Variants in SPMAP2 observed in about 807,000 individuals in gnomAD.
SPMAP2 encodes the protein Theg homolog.
the SPMAP2 span, chr19:373,517 C>T: frequency 1.7e-5 from 27 of 1,613,250 alleles, no homozygotes; most frequent in Admixed American, 3.3e-5. Flanking sequence ...CCGCTCGGTC[C>T]AGTACACAGA....
At chr19:364,083 C>T in the SPMAP2 span, among the ~76,000 whole-genome samples, 1 of 151,628 alleles carries the variant, frequency 6.6e-6, no homozygotes, top group African/African-American at 2.4e-5. Context: ...CCTGTAATCC[C>T]AGCACTCTGG....
the SPMAP2 span, chr19:362,382 G>A: frequency 2.0e-5 from 32 of 1,608,650 alleles, no homozygotes; most frequent in Middle Eastern, 1.6e-4. Flanking sequence ...ACCTCCCAGC[G>A]AGGATCTCGG....
At chr19:375,106 G>A in the SPMAP2 span, among the ~76,000 whole-genome samples, 105 of 152,246 alleles carry the variant, frequency 6.9e-4, 1 homozygote, top group Non-Finnish European at 3.5e-4. Context: ...CAGGGAGGAC[G>A]GGAGCCGAGT....
chr19:369,909 G>C, the SPMAP2 span, among the ~76,000 whole-genome samples: 1 of 152,176 alleles, frequency 6.6e-6, no homozygotes, highest in African/African-American at 2.4e-5. Context: ...TTCTTTTGTG[G>C]ATCTTCAGTT....
chr19:375,885 G>A, the SPMAP2 span: 3 of 1,562,586 alleles, frequency 1.9e-6, no homozygotes, highest in South Asian at 3.6e-5. Context: ...GAGGCCACGG[G>A]GGTCGCCGTC....
the SPMAP2 span, chr19:371,184 CG>C: frequency 3.6e-6 from 5 of 1,379,024 alleles, no homozygotes; most frequent in Admixed American, 2.6e-5. Flanking sequence ...GGGTGAGTCG[CG>C]GGGGGCACGG....
the SPMAP2 span, chr19:374,281 G>A: frequency 6.2e-7 from 1 of 1,613,388 alleles, no homozygotes; most frequent in Non-Finnish European, 8.5e-7. Flanking sequence ...ACGAGGCCGT[G>A]GTCTGGCGTG....
the SPMAP2 span, among the ~76,000 whole-genome samples, chr19:371,650 C>T: frequency 6.6e-6 from 1 of 152,178 alleles, no homozygotes; most frequent in Non-Finnish European, 1.5e-5. Flanking sequence ...TCTGGGACGG[C>T]AGCTCCTCCC....
chr19:369,613 G>A, the SPMAP2 span, among the ~76,000 whole-genome samples: 4 of 152,132 alleles, frequency 2.6e-5, no homozygotes, highest in Non-Finnish European at 4.4e-5. Flanking sequence ...AGGCACATCC[G>A]TGTGAAGAAG....
At chr19:374,586 C>G in the SPMAP2 span, 2 of 974,420 alleles carry the variant, frequency 2.1e-6, no homozygotes, top group South Asian at 1.7e-5. Flanking sequence ...TTTGGCACCA[C>G]GAAGGCCTGG....
At chr19:364,336 C>CAAA in the SPMAP2 span, among the ~76,000 whole-genome samples, 11 of 74,078 alleles carry the variant, frequency 1.5e-4, no homozygotes, top group South Asian at 4.9e-4. Flanking sequence ...AGCTCTGTCT[C>CAAA]AAAAAAAAAA....
the SPMAP2 span, among the ~76,000 whole-genome samples, chr19:364,131 A>G: frequency 2.1e-4 from 32 of 150,796 alleles, no homozygotes; most frequent in Non-Finnish European, 2.8e-4. Context: ...CAGGAGATCG[A>G]GACCATCCTG....
the SPMAP2 span, among the ~76,000 whole-genome samples, chr19:368,725 C>T: frequency 6.6e-6 from 1 of 152,204 alleles, no homozygotes; most frequent in African/African-American, 2.4e-5. The surrounding 1 kb of genome is among the most constrained non-coding windows in gnomAD (Gnocchi z 4.1). Flanking sequence ...ATAAAAATCA[C>T]AGACACATCT....
the SPMAP2 span, among the ~76,000 whole-genome samples, chr19:366,532 G>A: frequency 6.6e-6 from 1 of 152,108 alleles, no homozygotes. Context: ...CAAAGAAAAG[G>A]CCCCATAAGC....
chr19:373,051 G>T, the SPMAP2 span, among the ~76,000 whole-genome samples: 70 of 152,252 alleles, frequency 4.6e-4, no homozygotes, highest in East Asian at 0.012. Flanking sequence ...ACAAGCCTGG[G>T]GTTTCCAGGG....
chr19:363,039 G>T, the SPMAP2 span, among the ~76,000 whole-genome samples: 2 of 152,160 alleles, frequency 1.3e-5, no homozygotes, highest in East Asian at 3.9e-4. Flanking sequence ...ACGTGTAGGT[G>T]CCAGGGGCTG....
chr19:375,635 C>T, the SPMAP2 span: 2 of 1,526,260 alleles, frequency 1.3e-6, no homozygotes, highest in African/African-American at 2.8e-5. Context: ...CCCACCGCAC[C>T]CAGGCAGGCC....
At chr19:366,956 T>A in the SPMAP2 span, 1 of 1,256,736 alleles carries the variant, frequency 8.0e-7, no homozygotes, top group Non-Finnish European at 1.1e-6. Context: ...TTTCTGCTTC[T>A]CTTTCATGGG....
chr19:364,512 C>T, the SPMAP2 span, among the ~76,000 whole-genome samples: 1 of 150,886 alleles, frequency 6.6e-6, no homozygotes, highest in African/African-American at 2.5e-5. Context: ...GAGACCCCAT[C>T]TCTAAAAAAA....
Sources: allele counts gnomAD v4.1 joint callset (sites outside exome capture counted in the v4.1 genomes callset), GRCh38; gene constraint gnomAD v4.1.1; non-coding constraint Gnocchi (gnomAD v3.1); transcripts MANE v1.5; gene names NCBI Gene and HGNC (gene_info 2026-07-23, HGNC 2026-07-21).